The following MGAT4C variants were observed in gnomAD, a reference collection of about 807,000 sequenced individuals.
MGAT4C encodes the protein alpha-1,3-mannosyl-glycoprotein 4-beta-N-acetylglucosaminyltransferase C.
In MGAT4C, 19 loss-of-function variants were observed where a neutral mutation model predicts 40.1. That is an observed-to-expected ratio of 0.47 (90% CI 0.33 to 0.70). The LOEUF is 0.70. Ranked by LOEUF, MGAT4C falls within the 30% of genes least tolerant of loss-of-function variation. The pLI is 0.02. For synonymous variants in MGAT4C, 181 were observed against 187.1 expected, an observed-to-expected ratio of 0.97 and a Z score of 0.27; for missense variants, 491 against 563.2, an observed-to-expected ratio of 0.87 and a Z score of 1.30.
At chr12:85,984,568 C>G (rs765482857) in intron 3 of MGAT4C, among the ~76,000 whole-genome samples, 1 of 152,048 alleles carries the variant, frequency 6.6e-6, no homozygotes, top group Non-Finnish European at 1.5e-5. Context: ...TTGATATAAG[C>G]TAAATGGTAA....
chr12:86,224,750 C>A (rs1359150683), intron 1 of MGAT4C, among the ~76,000 whole-genome samples: 4 of 151,974 alleles, frequency 2.6e-5, no homozygotes, highest in Non-Finnish European at 5.9e-5. Context: ...TGCTTGAAAC[C>A]GATGATACAT....
At chr12:86,494,304 C>T (rs1013303680) in intron 2 of MGAT4C, among the ~76,000 whole-genome samples, 1 of 151,500 alleles carries the variant, frequency 6.6e-6, no homozygotes, top group Non-Finnish European at 1.5e-5. Context: ...AAAACCTTGC[C>T]TAGCCCTCTA....
At chr12:86,168,816 T>C (rs1886472971) in intron 1 of MGAT4C, among the ~76,000 whole-genome samples, 1 of 152,256 alleles carries the variant, frequency 6.6e-6, no homozygotes, top group Non-Finnish European at 1.5e-5. Flanking sequence ...TGAGGTAATA[T>C]TTTTATATTT....
intron 2 of MGAT4C, among the ~76,000 whole-genome samples, chr12:86,564,032 T>C (rs1371847446): frequency 6.6e-6 from 1 of 151,990 alleles, no homozygotes; most frequent in South Asian, 2.1e-4. Flanking sequence ...AAATCAAAAA[T>C]AGTATCATAT....
At chr12:86,568,883 G>C (rs1457020332) in intron 2 of MGAT4C, among the ~76,000 whole-genome samples, 1 of 151,822 alleles carries the variant, frequency 6.6e-6, no homozygotes, top group Non-Finnish European at 1.5e-5. Flanking sequence ...ATATGTGGAA[G>C]AATTAACATA....
intron 1 of MGAT4C, among the ~76,000 whole-genome samples, chr12:86,735,361 A>G (rs976464585): frequency 1.3e-5 from 2 of 151,874 alleles, no homozygotes; most frequent in African/African-American, 4.8e-5. Flanking sequence ...GAAATCATCA[A>G]TGATTTGAAA....
chr12:86,380,943 T>C (rs1390727584), intron 3 of MGAT4C, among the ~76,000 whole-genome samples: 2 of 152,148 alleles, frequency 1.3e-5, no homozygotes, highest in East Asian at 3.9e-4. Flanking sequence ...TTGAGAAGTA[T>C]ATGAAAATAT....
intron 2 of MGAT4C, among the ~76,000 whole-genome samples, chr12:86,010,440 G>A (rs753317818): frequency 6.6e-4 from 101 of 152,288 alleles, no homozygotes; most frequent in Middle Eastern, 6.8e-3. Context: ...CAGCACTTTG[G>A]AGGCTGAGGC....
At chr12:86,263,436 T>G (rs1422879331) in intron 4 of MGAT4C, among the ~76,000 whole-genome samples, 1 of 152,192 alleles carries the variant, frequency 6.6e-6, no homozygotes, top group Admixed American at 6.5e-5. Context: ...ATATTTGTCT[T>G]TCTGTGTCTG....
At chr12:86,030,678 T>A (rs55914419) in intron 2 of MGAT4C, among the ~76,000 whole-genome samples, 10,772 of 151,856 alleles carry the variant, frequency 0.071, 537 homozygotes, top group Middle Eastern at 0.23. Flanking sequence ...CCAGAAGGAA[T>A]TGTTTATCAT....
intron 2 of MGAT4C, among the ~76,000 whole-genome samples, chr12:86,442,615 T>C (rs1009176233): frequency 6.6e-6 from 1 of 152,112 alleles, no homozygotes; most frequent in Non-Finnish European, 1.5e-5. Flanking sequence ...CTTTCCCCAT[T>C]TCTTGTTTTT....
intron 1 of MGAT4C, among the ~76,000 whole-genome samples, chr12:86,236,986 T>C (rs1951580712): frequency 1.3e-5 from 2 of 150,646 alleles, no homozygotes; most frequent in Non-Finnish European, 3.0e-5. Flanking sequence ...CTTTAATATA[T>C]GATATATAAA....
intron 3 of MGAT4C, among the ~76,000 whole-genome samples, chr12:86,344,717 G>GGTGTGTGTGTGTGTGT (rs71076188): frequency 2.2e-5 from 3 of 139,412 alleles, no homozygotes; most frequent in African/African-American, 8.0e-5. Flanking sequence ...ATCTCTTCTC[G>GGTGTGTGTGTGTGTGT]GTGTGTGTGT....
intron 3 of MGAT4C, among the ~76,000 whole-genome samples, chr12:86,416,835 T>C (rs550800641): frequency 2.4e-4 from 37 of 152,158 alleles, no homozygotes; most frequent in Non-Finnish European, 5.1e-4. Flanking sequence ...TCATTTGGCA[T>C]TAGGGTCTTC....
chr12:86,699,298 G>C (rs950659130), intron 2 of MGAT4C, among the ~76,000 whole-genome samples: 10 of 152,106 alleles, frequency 6.6e-5, no homozygotes, highest in Non-Finnish European at 1.2e-4. Flanking sequence ...ATATGCTTTA[G>C]CAATATAAGC....
At chr12:86,010,462 G>A (rs991048582) in intron 2 of MGAT4C, among the ~76,000 whole-genome samples, 5 of 152,086 alleles carry the variant, frequency 3.3e-5, no homozygotes, top group East Asian at 3.9e-4. Context: ...GGCAGATCAC[G>A]AGGTCAAGAG....
At chr12:86,303,057 A>G (rs959444488) in intron 4 of MGAT4C, among the ~76,000 whole-genome samples, 1 of 150,656 alleles carries the variant, frequency 6.6e-6, no homozygotes, top group African/African-American at 2.5e-5. Flanking sequence ...GTTTTCTGAT[A>G]TTAATTTTAC....
chr12:86,708,092 C>T (rs764614242), intron 2 of MGAT4C, among the ~76,000 whole-genome samples: 40 of 152,254 alleles, frequency 2.6e-4, no homozygotes, highest in South Asian at 6.2e-4. Context: ...TCACAGAAGC[C>T]GCTTCCATCA....
intron 1 of MGAT4C, among the ~76,000 whole-genome samples, chr12:86,056,695 C>T (rs1001030870): frequency 2.0e-5 from 3 of 152,044 alleles, no homozygotes; most frequent in Non-Finnish European, 4.4e-5. Flanking sequence ...AATAAACATA[C>T]GTGTGCATGT....
Sources: allele counts gnomAD v4.1 joint callset (sites outside exome capture counted in the v4.1 genomes callset), GRCh38; gene constraint gnomAD v4.1.1; transcripts MANE v1.5; gene names NCBI Gene and HGNC (gene_info 2026-07-23, HGNC 2026-07-21).